Variants in ASTN2 observed in about 807,000 individuals in gnomAD.
ASTN2 encodes astrotactin 2.
A neutral mutation model predicts 139.8 loss-of-function variants in ASTN2; 54 were observed. The ratio of observed to expected loss-of-function variants is 0.39; its 90% confidence interval spans 0.31 to 0.48. The LOEUF is 0.48. Ranked by LOEUF, ASTN2 falls within the 20% of genes least tolerant of loss-of-function variation. The pLI, the probability that ASTN2 is intolerant of heterozygous loss-of-function variation, is 0.95. For synonymous variants in ASTN2, 756 were observed against 719.5 expected, an observed-to-expected ratio of 1.05 and a Z score of -0.81; for missense variants, 1,565 against 1,725.1, an observed-to-expected ratio of 0.91 and a Z score of 1.64.
intron 11 of ASTN2, among the ~76,000 whole-genome samples, chr9:116,839,854 T>A (rs1489375129): frequency 8.3e-4 from 98 of 118,488 alleles, no homozygotes; most frequent in South Asian, 4.2e-3. Flanking sequence ...TATTTTATTT[T>A]ATTTCATTAT....
At chr9:116,692,844 T>C (rs983400163) in intron 16 of ASTN2, among the ~76,000 whole-genome samples, 1 of 152,144 alleles carries the variant, frequency 6.6e-6, no homozygotes, top group African/African-American at 2.4e-5. Flanking sequence ...CTCCACTTCC[T>C]GGTCTCAAGT....
At chr9:117,319,233 A>G (rs1256663961) in intron 1 of ASTN2, among the ~76,000 whole-genome samples, 2 of 152,268 alleles carry the variant, frequency 1.3e-5, no homozygotes, top group South Asian at 2.1e-4. Context: ...CTAATACTCA[A>G]TGAATGCTCA....
At chr9:117,220,866 T>G (rs1033893784) in intron 2 of ASTN2, among the ~76,000 whole-genome samples, 7 of 152,190 alleles carry the variant, frequency 4.6e-5, no homozygotes, top group African/African-American at 1.7e-4. Context: ...CTGTCTAAGC[T>G]TGGAGATCAC....
chr9:117,135,083 T>G (rs1829919002), intron 4 of ASTN2, among the ~76,000 whole-genome samples: 1 of 152,190 alleles, frequency 6.6e-6, no homozygotes, highest in Non-Finnish European at 1.5e-5. Flanking sequence ...ACACTGCCAA[T>G]GCAAGAGAAG....
intron 11 of ASTN2, among the ~76,000 whole-genome samples, chr9:116,823,897 C>T (rs1831554125): frequency 1.3e-5 from 2 of 152,162 alleles, no homozygotes; most frequent in South Asian, 2.1e-4. Flanking sequence ...CAGATGAGAT[C>T]TAGCCATCGT....
chr9:117,199,778 A>G (rs1238572300), intron 3 of ASTN2, among the ~76,000 whole-genome samples: 3 of 151,934 alleles, frequency 2.0e-5, no homozygotes, highest in Non-Finnish European at 4.4e-5. Flanking sequence ...ATGTTTTTCC[A>G]TTTGTTTGTG....
At chr9:116,664,685 A>G (rs887728040) in intron 16 of ASTN2, among the ~76,000 whole-genome samples, 8 of 151,910 alleles carry the variant, frequency 5.3e-5, no homozygotes, top group Admixed American at 1.3e-4. Context: ...CACTGAAAAA[A>G]TATCTCTAAC....
At chr9:116,696,351 T>TTA (rs1172859960) in intron 16 of ASTN2, among the ~76,000 whole-genome samples, 1 of 152,214 alleles carries the variant, frequency 6.6e-6, no homozygotes, top group African/African-American at 2.4e-5. Context: ...ACACTCTATA[T>TTA]ATTATTTCAT....
chr9:117,315,025 A>G (rs1429702067), intron 1 of ASTN2, among the ~76,000 whole-genome samples: 1 of 149,088 alleles, frequency 6.7e-6, no homozygotes, highest in African/African-American at 2.4e-5. Flanking sequence ...ATAAATATAT[A>G]ATAACTAATT....
chr9:117,164,536 G>C (rs1830625646), intron 3 of ASTN2, among the ~76,000 whole-genome samples: 1 of 152,036 alleles, frequency 6.6e-6, no homozygotes, highest in African/African-American at 2.4e-5. Context: ...ACAGCCTCCT[G>C]GTCTCCTTAA....
Position 116,620,413 on chromosome 9 carries a change from A to C in ASTN2, c.3103T>G (p.Trp1035Gly). 1 of 1,614,218 alleles carries C rather than the reference A, an allele frequency of 6.2e-7. No individual in the cohort carries two copies. Among genetic ancestry groups the C allele is most frequent in the Non-Finnish European group, 8.5e-7 (1 of 1,180,016 alleles). Reference sequence around the variant, plus strand: ...ATCACATCCCCTTTCCCTGAGCACCAGTAGGAACTCATCAGTGCACTCTTG... The same window carrying C: ...ATCACATCCCCTTTCCCTGAGCACCCGTAGGAACTCATCAGTGCACTCTTG... ...AFKSALMSSY[W>G]CSGKGDVIDD... is the part of the protein sequence containing the mutation. The change falls in exon 18 of 23, where the codon TGG (tryptophan) becomes GGG (glycine). Residue 1035 changes from tryptophan to glycine, a missense_variant. Trp to Gly is a radical substitution (Grantham distance 184). Around this residue, in one of 4 missense-constraint regions of ASTN2, gnomAD observed 418 missense variants for 465.8 expected, o/e 0.90. Transcript: ENST00000313400.
intron 17 of ASTN2, among the ~76,000 whole-genome samples, chr9:116,636,256 A>T (rs1000670874): frequency 3.3e-5 from 5 of 152,218 alleles, no homozygotes; most frequent in African/African-American, 9.6e-5. Context: ...AGCTATTGTG[A>T]CCCAGGATAA....
chr9:116,482,177 T>C lies in ASTN2; in HGVS notation c.3497+5182A>G, dbSNP rs1454491002. Among the ~76,000 whole-genome samples the C allele has an allele frequency of 3.3e-5, 5 of 152,132 alleles. No individual in the cohort carries two copies. In the East Asian group the frequency reaches 9.7e-4, roughly 30 times the overall value. On this transcript the variant is annotated intron_variant, in intron 20 of 22. Coordinates refer to ENST00000313400, the MANE Select transcript of ASTN2 (RefSeq NM_001365068.1). ...CTGTCTCTACTGAAAACACAAAATA[T>C]TAGCCGGGCGTGGTGGCAGGCGCCT...
chr9:116,933,284 T>A (rs1411402657), intron 10 of ASTN2, among the ~76,000 whole-genome samples: 3 of 152,152 alleles, frequency 2.0e-5, no homozygotes, highest in African/African-American at 7.2e-5. Context: ...CTACTCTTCA[T>A]ACCTCCCAGT....
rs1837203643 is a variant in ASTN2, at chr9:117,001,893, G to C, written c.1591+6199C>G. On this transcript the variant is annotated intron_variant, in intron 7 of 22. Coordinates refer to ENST00000313400, the MANE Select transcript of ASTN2 (RefSeq NM_001365068.1). ...GAGAATGTAAAATCCATGAAGGTAA[G>C]AATATTGTGCAATTTGTCTGTGATT... Among the ~76,000 whole-genome samples the C allele has an allele frequency of 2.0e-5, 3 of 152,154 alleles. No homozygotes were observed. The South Asian group carries it at 6.2e-4, about 32-fold the overall frequency.
intron 1 of ASTN2, among the ~76,000 whole-genome samples, chr9:117,404,292 C>T (rs1588017565): frequency 6.6e-6 from 1 of 152,190 alleles, no homozygotes; most frequent in Non-Finnish European, 1.5e-5. Flanking sequence ...GGAATTAGCA[C>T]ATCTGGGATT....
chr9:116,461,449 T>C (rs1848484926), intron 20 of ASTN2, among the ~76,000 whole-genome samples: 1 of 152,094 alleles, frequency 6.6e-6, no homozygotes, highest in South Asian at 2.1e-4. Context: ...TATATAGGTG[T>C]ATACTTGTTT....
intron 1 of ASTN2, among the ~76,000 whole-genome samples, chr9:117,379,805 C>G (rs1830218574): frequency 6.6e-6 from 1 of 152,154 alleles, no homozygotes; most frequent in African/African-American, 2.4e-5. Flanking sequence ...TTTATCAGAG[C>G]TGGATGATAG....
chr9:116,662,847 T>G (rs10983297), intron 16 of ASTN2, among the ~76,000 whole-genome samples: 16,431 of 152,098 alleles, frequency 0.11, 1,363 homozygotes, highest in South Asian at 0.4. Flanking sequence ...ACAAGTAATG[T>G]CGTAATTTTT....
Sources: allele counts gnomAD v4.1 joint callset (sites outside exome capture counted in the v4.1 genomes callset), GRCh38; gene constraint gnomAD v4.1.1; regional missense constraint gnomAD v4.1.1; transcripts MANE v1.5; gene names NCBI Gene and HGNC (gene_info 2026-07-23, HGNC 2026-07-21).